FAM117B: variants seen among roughly 807,000 people sequenced by gnomAD.
The protein encoded by FAM117B is family with sequence similarity 117 member B.
FAM117B carries 22 observed loss-of-function variants against 52.8 expected under a neutral mutation model. That is an observed-to-expected ratio of 0.42 (90% CI 0.30 to 0.59). The LOEUF is 0.59. Among genes scored for constraint, FAM117B ranks in the 20% least tolerant of loss-of-function variants. The probability of loss-of-function intolerance (pLI) is 0.22; values close to 1 mark genes in which losing one functional copy is unlikely to be tolerated. For missense variants in FAM117B, 678 were observed against 802.6 expected (o/e 0.84, Z 1.88); for synonymous variants, 309 against 324.1 (o/e 0.95, Z 0.50).
Position 202,635,355 on chromosome 2 carries a change from G to C in FAM117B, c.168G>C (p.Arg56=). 1 of 1,377,210 alleles carries C rather than the reference G, an allele frequency of 7.3e-7. No individual in the cohort carries two copies. The highest frequency in any genetic ancestry group is 3.1e-5 in the Admixed American group (1 of 32,216). 85.3% of individuals were successfully genotyped at this position (1,377,210 alleles called of 1,614,324 possible). ...QQQQQHGSPT[R]SGGGGGGNNN... is the part of the protein sequence containing the mutation. The stretch of plus-strand genomic sequence containing the variant: ...AGCAGCAACATGGCAGCCCCACGCG[G>C]AGCGGCGGCGGCGGCGGCGGCAACA... The change falls in exon 1 of 8, where the codon CGG becomes CGC. Residue 56 remains arginine, a synonymous_variant. Transcript: ENST00000392238.
At chr2:202,700,516 A>G (rs1690781565) in intron 2 of FAM117B, among the ~76,000 whole-genome samples, 1 of 152,224 alleles carries the variant, frequency 6.6e-6, no homozygotes, top group African/African-American at 2.4e-5. Flanking sequence ...AGGACGCTAC[A>G]GAAGAAAAGT....
At chr2:202,757,477 A>G (rs770545258) in intron 6 of FAM117B, 39 bp downstream of exon 6, 1 of 1,560,110 alleles carries the variant, frequency 6.4e-7, no homozygotes, top group South Asian at 1.1e-5. Flanking sequence ...ATGATAATGG[A>G]ATACCTCCTC....
intron 2 of FAM117B, among the ~76,000 whole-genome samples, chr2:202,703,801 A>T (rs550033693): frequency 6.6e-6 from 1 of 152,274 alleles, no homozygotes; most frequent in East Asian, 1.9e-4. Context: ...ATCTGTGTGA[A>T]TCCCTGCTTT....
intron 4 of FAM117B, among the ~76,000 whole-genome samples, chr2:202,733,380 C>A (rs1056498666): frequency 6.6e-6 from 1 of 152,110 alleles, no homozygotes; most frequent in Non-Finnish European, 1.5e-5. Flanking sequence ...ACTGGTCTGA[C>A]CTCAAATTTA....
chr2:202,676,303 A>G (rs1030288615), intron 1 of FAM117B, among the ~76,000 whole-genome samples: 6 of 151,836 alleles, frequency 4.0e-5, no homozygotes, highest in African/African-American at 1.5e-4. Flanking sequence ...GTAGACCCTG[A>G]GCCAGAGGCA....
In FAM117B at chr2:202,768,478, G is replaced by A. The variant is rs182860438; in HGVS notation, c.*2714G>A. The A allele has an allele frequency of 6.9e-3, 1,052 of 152,666 alleles. 9 individuals carry two copies. Among genetic ancestry groups the A allele is most frequent in the Non-Finnish European group, 0.012 (786 of 68,008 alleles). The allele number at this position is 152,666 out of a possible 1,614,324, so 9.5% of individuals were successfully genotyped here. On this transcript the variant is annotated 3_prime_UTR_variant, in exon 8 of 8. Transcript: ENST00000392238. ...ATAGAGCTTGAGATTTGAAAAAAAG[G>A]TACAAGGTACAAAACAACTCTAACT...
At chr2:202,699,744 G>A (rs1488112514) in intron 2 of FAM117B, among the ~76,000 whole-genome samples, 1 of 152,108 alleles carries the variant, frequency 6.6e-6, no homozygotes, top group Non-Finnish European at 1.5e-5. Flanking sequence ...AAAAATACAT[G>A]CCTATGTCAT....
chr2:202,740,441 A>G (rs947642285), intron 4 of FAM117B, among the ~76,000 whole-genome samples: 1 of 151,168 alleles, frequency 6.6e-6, no homozygotes, highest in African/African-American at 2.4e-5. Flanking sequence ...GGCACTTTTT[A>G]ATATATAGTT....
At chr2:202,725,177 A>G (rs1691221896) in intron 3 of FAM117B, 168 bp downstream of exon 3, 1 of 459,524 alleles carries the variant, frequency 2.2e-6, no homozygotes, top group South Asian at 4.9e-5. Context: ...TAAAGATTTC[A>G]ATAGGGATAT....
chr2:202,691,072 C>A (rs1308485413), intron 1 of FAM117B, among the ~76,000 whole-genome samples: 3 of 152,082 alleles, frequency 2.0e-5, no homozygotes, highest in Non-Finnish European at 4.4e-5. Context: ...ATAAAATGTT[C>A]AGCATTTTTA....
chr2:202,730,354 T>A (rs548800477), intron 4 of FAM117B, among the ~76,000 whole-genome samples: 3 of 152,162 alleles, frequency 2.0e-5, no homozygotes, highest in Admixed American at 2.0e-4. Flanking sequence ...AAGTTAAGGA[T>A]GATGTCAATT....
chr2:202,711,622 A>G lies in FAM117B; in HGVS notation c.754-13295A>G, dbSNP rs114404177. Among the ~76,000 whole-genome samples, 296 of 152,288 alleles carry G rather than the reference A, an allele frequency of 1.9e-3. 1 individual carries two copies. Among genetic ancestry groups the G allele is most frequent in the Non-Finnish European group, 3.5e-3 (236 of 67,984 alleles). On this transcript the variant is annotated intron_variant, in intron 2 of 7. Coordinates refer to ENST00000392238, the MANE Select transcript of FAM117B (RefSeq NM_173511.4). Reference sequence around the variant, plus strand: ...TATTACTCAAGAAATCTTTGCCCAGACAAACATCATGGAGAGTTTTCCCAA... The same window carrying G: ...TATTACTCAAGAAATCTTTGCCCAGGCAAACATCATGGAGAGTTTTCCCAA...
At chr2:202,722,289 A>G (rs1670576589) in intron 2 of FAM117B, among the ~76,000 whole-genome samples, 1 of 152,126 alleles carries the variant, frequency 6.6e-6, no homozygotes, top group African/African-American at 2.4e-5. Flanking sequence ...GGCATGAGCC[A>G]CCACGCCTGG....
chr2:202,699,445 A>G (rs61055439), intron 2 of FAM117B, among the ~76,000 whole-genome samples: 358 of 129,862 alleles, frequency 2.8e-3, no homozygotes, highest in African/African-American at 9.7e-3. Flanking sequence ...AAAAAAAAAA[A>G]AAAGAAAAAA....
At chr2:202,662,353 G>T (rs777296531) in intron 1 of FAM117B, among the ~76,000 whole-genome samples, 79 of 152,082 alleles carry the variant, frequency 5.2e-4, no homozygotes, top group Non-Finnish European at 1.0e-3. Flanking sequence ...TAGGAGTAGA[G>T]TAGAATATTG....
rs539187347 is a variant in FAM117B at position 202,640,295 on chromosome 2, AATATATATATATATATATATATAT to A, written c.601+4532_601+4555del. 2.4e-3 allele frequency among the ~76,000 whole-genome samples: 124 copies of A among 51,306 alleles called. 5 individuals are homozygous for A. Among genetic ancestry groups the A allele is most frequent in the African/African-American group, 8.8e-3 (104 of 11,848 alleles). The allele number at this position is 51,306 out of a possible 152,430, so 33.7% of individuals were successfully genotyped here. A position where few individuals can be genotyped will look rare whatever the true frequency, so the allele number is the denominator to read the frequency against. ...ACAACAACCACCACCACCACCACAA[AATATATATATATATATATATATAT>A]ATATATATATATATATATATATATG... On this transcript the variant is annotated intron_variant, in intron 1 of 7. Transcript: ENST00000392238.
Position 202,635,038 on chromosome 2 carries a change from T to C in FAM117B, c.-150T>C. The C allele has an allele frequency of 9.3e-7, 1 of 1,077,996 alleles. No homozygotes were observed. Among genetic ancestry groups the C allele is most frequent in the Non-Finnish European group, 1.2e-6 (1 of 844,460 alleles). The allele number at this position is 1,077,996 out of a possible 1,614,324, so 66.8% of individuals were successfully genotyped here. ...GCGGCTGCACCACCTCGTTGCTGCC[T>C]GCCCCGGCCCGGTCTCCCCCTGCAC... On this transcript the variant is annotated 5_prime_UTR_variant, in exon 1 of 8. Coordinates refer to ENST00000392238, the MANE Select transcript of FAM117B (RefSeq NM_173511.4).
At chr2:202,746,042 T>C (rs952502008) in intron 4 of FAM117B, among the ~76,000 whole-genome samples, 7 of 152,156 alleles carry the variant, frequency 4.6e-5, no homozygotes, top group Admixed American at 1.3e-4. Context: ...ACAGATCATC[T>C]ATATAGAAAG....
At chr2:202,729,579 A>G (rs1041857414) in intron 4 of FAM117B, among the ~76,000 whole-genome samples, 1 of 152,190 alleles carries the variant, frequency 6.6e-6, no homozygotes, top group African/African-American at 2.4e-5. Flanking sequence ...CATATTAAAG[A>G]GATATGAGTA....
Sources: allele counts gnomAD v4.1 joint callset (sites outside exome capture counted in the v4.1 genomes callset), GRCh38; gene constraint gnomAD v4.1.1; transcripts MANE v1.5; gene names NCBI Gene and HGNC (gene_info 2026-07-23, HGNC 2026-07-21).